The following LSM8 variants were observed in gnomAD, a reference collection of about 807,000 sequenced individuals.
LSM8 encodes LSM8 homolog, U6 small nuclear RNA associated.
LSM8 carries 14 observed loss-of-function variants against 15.0 expected under a neutral mutation model. The ratio of observed to expected loss-of-function variants is 0.93; its 90% confidence interval spans 0.62 to 1.46. The LOEUF is 1.46. LSM8 is among the 40% of genes most tolerant of loss of function. LSM8 has a pLI of 0.00. For missense variants in LSM8, 90 were observed against 115.4 expected (o/e 0.78, Z 1.01); for synonymous variants, 50 against 42.1 (o/e 1.19, Z -0.73).
chr7:118,192,979 T>C lies in LSM8; in HGVS notation c.*977T>C, dbSNP rs1265117307. Among the ~76,000 whole-genome samples, 2 of 152,190 alleles carry C rather than the reference T, an allele frequency of 1.3e-5. No homozygotes were observed. Among genetic ancestry groups the C allele is most frequent in the Non-Finnish European group, 2.9e-5 (2 of 68,002 alleles). On this transcript the variant is annotated 3_prime_UTR_variant, in exon 4 of 4. Transcript: ENST00000249299. ...CTAGTCCATAAAATTTCTGATCAACTCATGTATAGGCCCAAGTGTGTGTCT... is the reference window on the plus strand; with the variant it reads ...CTAGTCCATAAAATTTCTGATCAACCCATGTATAGGCCCAAGTGTGTGTCT...
chr7:118,187,577 T>G (rs2215628), intron 2 of LSM8, among the ~76,000 whole-genome samples: 71,160 of 152,044 alleles, frequency 0.47, 18,520 homozygotes, highest in South Asian at 0.59. Context: ...TTTAGTATAT[T>G]TATGGGACTG....
chr7:118,199,511 T>A lies in LSM8; in HGVS notation c.*7509T>A, dbSNP rs1809135790. ...CATTTTCATGTCAGATTTTCAGATA[T>A]GATAAAGGCTGGAAGTACAGAGTTT... On this transcript the variant is annotated 3_prime_UTR_variant, in exon 4 of 4. Transcript: ENST00000249299. Among the ~76,000 whole-genome samples the A allele has an allele frequency of 6.6e-6, 1 of 152,258 alleles. No individual in the cohort carries two copies. The highest frequency in any genetic ancestry group is 2.1e-4 in the South Asian group (1 of 4,828).
intron 3 of LSM8, 100 bp downstream of exon 3, chr7:118,188,505 T>A: frequency 9.4e-7 from 1 of 1,063,378 alleles, no homozygotes; most frequent in Non-Finnish European, 1.3e-6. Flanking sequence ...CATACATAGT[T>A]AATAGAATCT....
At chr7:118,191,093 G>A (rs1434137214) in intron 3 of LSM8, 6 of 144,674 alleles carry the variant, frequency 4.1e-5, no homozygotes, top group East Asian at 4.0e-4. Context: ...CAACAAGAGC[G>A]AAACTCTATC....
At chr7:118,185,717 C>T in intron 2 of LSM8, 23 bp downstream of exon 2, 1 of 1,597,450 alleles carries the variant, frequency 6.3e-7, no homozygotes, top group South Asian at 1.1e-5. Context: ...AATTTTCATT[C>T]TCTGCTTTCC....
chr7:118,190,026 T>C (rs1808952788), intron 3 of LSM8: 1 of 152,148 alleles, frequency 6.6e-6, no homozygotes, highest in Admixed American at 6.5e-5. Flanking sequence ...AATCAAAATA[T>C]AGTTGGAAAG....
chr7:118,184,894 A>G (rs143944789), intron 1 of LSM8: 1 of 152,318 alleles, frequency 6.6e-6, no homozygotes, highest in East Asian at 1.9e-4. Flanking sequence ...AAAATTAAAT[A>G]CCGAATGCTT....
intron 3 of LSM8, 98 bp downstream of exon 3, chr7:118,188,503 G>T: frequency 9.2e-7 from 1 of 1,084,070 alleles, no homozygotes; most frequent in South Asian, 1.8e-5. Context: ...TCCATACATA[G>T]TTAATAGAAT....
rs1423530632 is a variant in LSM8 at position 118,191,918 on chromosome 7, C to T, written c.207C>T (p.Val69=). ...TTAACTCTGACTTTTTTAGTGCAGT[C>T]ATTGGAGAAATCGATGAAGAAACAG... ...LYIVRGDNVA[V]IGEIDEETDS... Residue 69 remains valine (V), a synonymous_variant, in exon 4 of 4, where the codon GTC becomes GTT. Coordinates refer to ENST00000249299, the MANE Select transcript of LSM8 (RefSeq NM_016200.5). The T allele has an allele frequency of 6.2e-7, 1 of 1,609,776 alleles. No homozygotes were observed. The highest frequency in any genetic ancestry group is 2.2e-5 in the East Asian group (1 of 44,710).
Position 118,202,962 on chromosome 7 carries a change from T to C in LSM8, c.*10960T>C, listed in dbSNP as rs1199085190. 6.6e-6 allele frequency among the ~76,000 whole-genome samples: 1 copy of C among 152,008 alleles called. No individual in the cohort carries two copies. Among genetic ancestry groups the C allele is most frequent in the Non-Finnish European group, 1.5e-5 (1 of 67,952 alleles). ...TTCTACACACTTTTTTACCTTACTT[T>C]ATCCTTCAGGATTCTGGCGTCAAGT... On this transcript the variant is annotated 3_prime_UTR_variant, in exon 4 of 4. Coordinates refer to ENST00000249299, the MANE Select transcript of LSM8 (RefSeq NM_016200.5).
chr7:118,186,287 A>T (rs1054477588), intron 2 of LSM8, among the ~76,000 whole-genome samples: 3 of 152,164 alleles, frequency 2.0e-5, no homozygotes, highest in African/African-American at 7.2e-5. Context: ...TTGGAATTTG[A>T]TCTGAGGAAT....
At chr7:118,188,246 TTC>T (rs760956631) in intron 2 of LSM8, 30 bp from the exon 3 acceptor site, 72 of 1,607,960 alleles carry the variant, frequency 4.5e-5, no homozygotes, top group Middle Eastern at 1.6e-4. Context: ...ACCAGAATAT[TTC>T]TCTTTTTCTC....
chr7:118,196,607 G>GT lies in LSM8; in HGVS notation c.*4614dup, dbSNP rs201607240. On this transcript the variant is annotated 3_prime_UTR_variant, in exon 4 of 4. Transcript: ENST00000249299. ...GACCTCTTCTTGGTTTTGGCATTAA[G>GT]TTTTTTTTTAACTCAATTTTTGTGT... Among the ~76,000 whole-genome samples, 95 of 147,294 alleles carry GT rather than the reference G, an allele frequency of 6.4e-4. No homozygotes were observed. In the East Asian group the frequency reaches 9.0e-3, roughly 14 times the overall value.
In LSM8 at chr7:118,188,301, G is replaced by A. The variant is rs1783507878; in HGVS notation, c.96G>A (p.Gln32=). 1.2e-6 allele frequency: 2 copies of A among 1,613,576 alleles called. No homozygotes were observed. Among genetic ancestry groups the A allele is most frequent in the Middle Eastern group, 1.6e-4 (1 of 6,084 alleles). The part of the protein sequence containing the change: ...MIVGTLKGFD[Q]TINLILDESH... Reference sequence around the variant, plus strand: ...AGGGAACACTGAAAGGTTTTGACCAGACCATTAATTTGATTTTGGATGAAA... The same window carrying A: ...AGGGAACACTGAAAGGTTTTGACCAAACCATTAATTTGATTTTGGATGAAA... Residue 32 remains glutamine, a synonymous_variant, in exon 3 of 4, where the codon CAG becomes CAA. Transcript: ENST00000249299.
At chr7:118,187,194 TTC>T (rs1467537795) in intron 2 of LSM8, among the ~76,000 whole-genome samples, 2 of 151,016 alleles carry the variant, frequency 1.3e-5, no homozygotes, top group Non-Finnish European at 3.0e-5. Flanking sequence ...TTTTATTTCA[TTC>T]TCTTTTTTAT....
At position 118,195,309 on chromosome 7, in the gene LSM8, A is replaced by C. The variant is rs576057123; in HGVS notation, c.*3307A>C. Among the ~76,000 whole-genome samples, 35 of 152,322 alleles carry C rather than the reference A, an allele frequency of 2.3e-4. No individual in the cohort carries two copies. The highest frequency in any genetic ancestry group is 7.9e-4 in the African/African-American group (33 of 41,560). On this transcript the variant is annotated 3_prime_UTR_variant, in exon 4 of 4. Coordinates refer to ENST00000249299, the MANE Select transcript of LSM8 (RefSeq NM_016200.5). ...TCAAACACAGGATCTTATTCAAGAT[A>C]AGGATAATAACAGCTATCTTCTTGG...
chr7:118,200,296 G>T lies in LSM8; in HGVS notation c.*8294G>T, dbSNP rs182656884. On this transcript the variant is annotated 3_prime_UTR_variant, in exon 4 of 4. Coordinates refer to ENST00000249299, the MANE Select transcript of LSM8 (RefSeq NM_016200.5). ...AAACAAATCATAAGTAGCTGCTCTG[G>T]TGCTCTCTAGAGGCAGAACTTGCTG... Among the ~76,000 whole-genome samples the T allele has an allele frequency of 9.4e-4, 143 of 152,180 alleles. No individual in the cohort carries two copies. Among genetic ancestry groups the T allele is most frequent in the African/African-American group, 3.0e-3 (126 of 41,520 alleles).
At chr7:118,184,303 C>T (rs752616329) in intron 1 of LSM8, 49 bp downstream of exon 1, 60 of 1,448,712 alleles carry the variant, frequency 4.1e-5, no homozygotes, top group Non-Finnish European at 5.2e-5. Context: ...CGCGGAGAGG[C>T]CGCGGTCGGG....
Position 118,196,531 on chromosome 7 carries a change from C to T in LSM8, c.*4529C>T, listed in dbSNP as rs1326390484. Among the ~76,000 whole-genome samples, 1 of 151,990 alleles carries T rather than the reference C, an allele frequency of 6.6e-6. No homozygotes were observed. Among genetic ancestry groups the T allele is most frequent in the Non-Finnish European group, 1.5e-5 (1 of 67,988 alleles). ...CAGTATGCCATCTCCTACTTACTGG[C>T]ATCATCTGGGGAATGAAGGAGCTGA... On this transcript the variant is annotated 3_prime_UTR_variant, in exon 4 of 4. Transcript: ENST00000249299.
Sources: allele counts gnomAD v4.1 joint callset (sites outside exome capture counted in the v4.1 genomes callset), GRCh38; gene constraint gnomAD v4.1.1; transcripts MANE v1.5; gene names NCBI Gene and HGNC (gene_info 2026-07-23, HGNC 2026-07-21).